The following GLG1 variants were observed in gnomAD, a reference collection of about 807,000 sequenced individuals.
GLG1 encodes the protein Golgi apparatus protein 1.
GLG1 carries 38 observed loss-of-function variants against 160.5 expected under a neutral mutation model. The ratio of observed to expected loss-of-function variants is 0.24; its 90% confidence interval spans 0.18 to 0.31. The LOEUF (loss-of-function observed/expected upper bound fraction) is 0.31, where lower values mean the gene tolerates loss of function less well. Among genes scored for constraint, GLG1 ranks in the 10% least tolerant of loss-of-function variants. The pLI, the probability that GLG1 is intolerant of heterozygous loss-of-function variation, is 1.00. For missense variants in GLG1, 1,373 were observed against 1,505.2 expected (o/e 0.91, Z 1.45); for synonymous variants, 644 against 543.4 (o/e 1.19, Z -2.57).
At chr16:74,536,215 G>C (rs948494909) in intron 1 of GLG1, among the ~76,000 whole-genome samples, 2 of 152,078 alleles carry the variant, frequency 1.3e-5, no homozygotes, top group African/African-American at 2.4e-5. Flanking sequence ...ATCAGATATA[G>C]TACATCTATT....
At chr16:74,597,990 T>C (rs1958347284) in intron 1 of GLG1, among the ~76,000 whole-genome samples, 1 of 152,070 alleles carries the variant, frequency 6.6e-6, no homozygotes, top group Admixed American at 6.6e-5. Context: ...CACTCCAGCC[T>C]GGGCGTCAAG....
intron 4 of GLG1, among the ~76,000 whole-genome samples, chr16:74,497,584 C>T (rs1317191047): frequency 6.6e-6 from 1 of 151,842 alleles, no homozygotes; most frequent in African/African-American, 2.4e-5. Flanking sequence ...ACCACAGGCG[C>T]CCGCCACCAC....
At position 74,467,843 on chromosome 16, in the gene GLG1, C is replaced by T. The variant is rs1156338392; in HGVS notation, c.2442G>A (p.Glu814=). 6.2e-7 allele frequency: 1 copy of T among 1,609,808 alleles called. No individual in the cohort carries two copies. Among genetic ancestry groups the T allele is most frequent in the East Asian group, 2.2e-5 (1 of 44,802 alleles). ...ATAGATCTGGCTCCAAGCGGATGTC[C>T]TCCGTCTGCATGAGGGAGCCAGCAT... ...QLRVEELEMT[E]DIRLEPDLYE... The change falls in exon 18 of 26, where the codon GAG becomes GAA. Residue 814 remains glutamate, a synonymous_variant. Coordinates refer to ENST00000422840, the MANE Select transcript of GLG1 (RefSeq NM_001145667.2).
At chr16:74,472,508 A>T (rs1231116145) in intron 13 of GLG1, 97 bp from the exon 14 acceptor site, 5 of 1,348,368 alleles carry the variant, frequency 3.7e-6, no homozygotes, top group Non-Finnish European at 5.1e-6. Flanking sequence ...TCTGATGGGC[A>T]AATAATCTAA....
intron 1 of GLG1, among the ~76,000 whole-genome samples, chr16:74,551,470 ATT>A (rs10570582): frequency 0.014 from 1,786 of 127,136 alleles, 30 homozygotes; most frequent in African/African-American, 0.046. Context: ...ATGTCTGGCT[ATT>A]TTTTTTTTTT....
intron 1 of GLG1, among the ~76,000 whole-genome samples, chr16:74,576,470 G>A (rs889632822): frequency 2.0e-5 from 3 of 152,090 alleles, no homozygotes; most frequent in African/African-American, 4.8e-5. Context: ...CAGTAAAGAG[G>A]CATACCATAC....
At chr16:74,456,974 T>C (rs1214475710) in intron 24 of GLG1, among the ~76,000 whole-genome samples, 1 of 152,204 alleles carries the variant, frequency 6.6e-6, no homozygotes, top group Non-Finnish European at 1.5e-5. Flanking sequence ...TAAAACCTCC[T>C]TATTTTTAGA....
chr16:74,512,555 C>T (rs1429166958), intron 2 of GLG1, among the ~76,000 whole-genome samples: 2 of 152,002 alleles, frequency 1.3e-5, no homozygotes, highest in Non-Finnish European at 2.9e-5. Context: ...TGAGTCATCG[C>T]GCCTGGCCTC....
intron 9 of GLG1, among the ~76,000 whole-genome samples, chr16:74,485,565 G>T (rs1224552798): frequency 6.6e-6 from 1 of 152,142 alleles, no homozygotes; most frequent in Non-Finnish European, 1.5e-5. Context: ...CTCAGTCATT[G>T]TCCGTAAACA....
In GLG1 at chr16:74,607,005, G is replaced by T. The variant is rs747289077; in HGVS notation, c.90C>A (p.Leu30=). The change falls in exon 1 of 26, where the codon CTC becomes CTA. Residue 30 remains leucine (L), a synonymous_variant. Transcript: ENST00000422840. ...CCTGGCTGTGGACGCCCTGGCCGGG[G>T]AGTTTCTCGGCCCCGGCCGCGAATA... ...LLLFAAGAEK[L]PGQGVHSQGQ... 2 of 1,603,776 alleles carry T rather than the reference G, an allele frequency of 1.2e-6. No homozygotes were observed. Among genetic ancestry groups the T allele is most frequent in the Non-Finnish European group, 1.7e-6 (2 of 1,177,326 alleles).
chr16:74,574,883 CAA>C (rs531720341), intron 1 of GLG1, among the ~76,000 whole-genome samples: 60 of 24,756 alleles, frequency 2.4e-3, no homozygotes, highest in African/African-American at 0.013. Context: ...GACTCTGTCT[CAA>C]AAAAAAAAAA....
intron 2 of GLG1, among the ~76,000 whole-genome samples, chr16:74,528,936 TC>T (rs1204384737): frequency 6.6e-6 from 1 of 151,654 alleles, no homozygotes; most frequent in Non-Finnish European, 1.5e-5. Flanking sequence ...GGCCATTATT[TC>T]TTCGAATACT....
chr16:74,538,430 C>T (rs544337525), intron 1 of GLG1, among the ~76,000 whole-genome samples: 1 of 152,260 alleles, frequency 6.6e-6, no homozygotes, highest in South Asian at 2.1e-4. Context: ...TAAACCCAAT[C>T]TTTTACCCCC....
intron 4 of GLG1, among the ~76,000 whole-genome samples, chr16:74,497,507 G>A (rs1470956882): frequency 2.9e-5 from 4 of 137,916 alleles, no homozygotes; most frequent in East Asian, 4.4e-4. Flanking sequence ...GCGCTATCTC[G>A]GCTCACTGCA....
At chr16:74,502,153 T>G (rs765426008) in intron 4 of GLG1, among the ~76,000 whole-genome samples, 1 of 152,204 alleles carries the variant, frequency 6.6e-6, no homozygotes, top group Non-Finnish European at 1.5e-5. Context: ...CCATCATATT[T>G]CCTGAACAGT....
rs1316943113 is a variant in GLG1, at chr16:74,506,585, A to AAAAAAAC, written c.558+2253_558+2254insGTTTTTT. On this transcript the variant is annotated intron_variant, in intron 3 of 25. Coordinates refer to ENST00000422840, the MANE Select transcript of GLG1 (RefSeq NM_001145667.2). ...TTACAGAGCAAGACTCCGTCTCAAA[A>AAAAAAAC]AAAAAAAAAAAAAAAAAAACTCAAG... Among the ~76,000 whole-genome samples, 7 of 140,310 alleles carry AAAAAAAC rather than the reference A, an allele frequency of 5.0e-5. 1 individual carries two copies. Among genetic ancestry groups the AAAAAAAC allele is most frequent in the African/African-American group, 1.8e-4 (7 of 39,378 alleles). 92.0% of individuals were successfully genotyped at this position (140,310 alleles called of 152,430 possible). A position where few individuals can be genotyped will look rare whatever the true frequency, so the allele number is the denominator to read the frequency against.
chr16:74,497,293 A>AACACAC (rs200732371), intron 4 of GLG1, among the ~76,000 whole-genome samples: 1 of 15,022 alleles, frequency 6.7e-5, no homozygotes, highest in African/African-American at 1.2e-4. Context: ...CTGTAAAAAA[A>AACACAC]ACACACACAC....
At chr16:74,462,268 A>G in intron 21 of GLG1, 73 bp from the exon 22 acceptor site, 1 of 867,552 alleles carries the variant, frequency 1.2e-6, no homozygotes, top group South Asian at 1.5e-5. Flanking sequence ...GGACATGAAA[A>G]AAAAAACAAA....
chr16:74,540,549 G>A (rs962849583), intron 1 of GLG1, among the ~76,000 whole-genome samples: 13 of 151,392 alleles, frequency 8.6e-5, no homozygotes, highest in African/African-American at 2.7e-4. Flanking sequence ...TTTAAGAAAC[G>A]TAAGGATTGT....
Sources: gnomAD v4.1 joint callset for allele counts (sites outside exome capture counted in the v4.1 genomes callset) on GRCh38, gnomAD v4.1.1 for gene constraint, MANE v1.5 for transcripts, NCBI Gene and HGNC (gene_info 2026-07-23, HGNC 2026-07-21) for gene names.